Variants in COG3 observed in about 807,000 individuals in gnomAD.
COG3 encodes conserved oligomeric Golgi complex subunit 3.
In COG3, 32 loss-of-function variants were observed where a neutral mutation model predicts 114.1. The ratio of observed to expected loss-of-function variants is 0.28; its 90% CI spans 0.21 to 0.38. The LOEUF (loss-of-function observed/expected upper bound fraction) is 0.38, where lower values mean the gene tolerates loss of function less well. Among genes scored for constraint, COG3 ranks in the 10% least tolerant of loss-of-function variants. The pLI, the probability that COG3 is intolerant of heterozygous loss-of-function variation, is 1.00. For missense variants in COG3, 813 were observed against 973.2 expected (o/e 0.84, Z 2.19); for synonymous variants, 352 against 365.7 (o/e 0.96, Z 0.43).
intron 6 of COG3, among the ~76,000 whole-genome samples, chr13:45,482,731 G>C (rs533119480): frequency 1.3e-5 from 2 of 152,300 alleles, no homozygotes; most frequent in South Asian, 2.1e-4. Flanking sequence ...CCCTGGAATG[G>C]AACACATCCT....
At chr13:45,479,763 C>G (rs1886132921) in intron 3 of COG3, among the ~76,000 whole-genome samples, 1 of 152,142 alleles carries the variant, frequency 6.6e-6, no homozygotes, top group Non-Finnish European at 1.5e-5. Flanking sequence ...TGACATCACA[C>G]CATCTTTCAA....
At chr13:45,528,033 A>G (rs1872841298) in intron 20 of COG3, among the ~76,000 whole-genome samples, 1 of 152,132 alleles carries the variant, frequency 6.6e-6, no homozygotes, top group Non-Finnish European at 1.5e-5. Context: ...CAGATTAGTA[A>G]TGTTTACTAA....
chr13:45,494,864 C>CT (rs56330728), intron 12 of COG3, among the ~76,000 whole-genome samples: 90,702 of 131,736 alleles, frequency 0.69, 33,253 homozygotes, highest in Non-Finnish European at 0.8. Context: ...TTTCTCTTTT[C>CT]TTTTTTTTTT....
intron 1 of COG3, among the ~76,000 whole-genome samples, chr13:45,475,278 A>G (rs996878446): frequency 2.0e-5 from 3 of 151,574 alleles, no homozygotes; most frequent in Admixed American, 6.6e-5. Context: ...ACTCACTGCA[A>G]CCTCCACCTC....
chr13:45,470,688 CTT>C lies in COG3; in HGVS notation c.174+5480_174+5481del, dbSNP rs1417161614. 1.1e-4 allele frequency among the ~76,000 whole-genome samples: 16 copies of C among 152,202 alleles called. 1 individual carries two copies. The highest frequency in any genetic ancestry group is 2.1e-4 in the Non-Finnish European group (14 of 68,046). On this transcript the variant is annotated intron_variant, in intron 1 of 22. Transcript: ENST00000349995. ...TGGGATTTTGACATTGATCTACATT[CTT>C]TCAGATAGACTTATAATCGTTTTTC...
At chr13:45,521,497 C>T (rs1872128425) in intron 19 of COG3, among the ~76,000 whole-genome samples, 1 of 151,964 alleles carries the variant, frequency 6.6e-6, no homozygotes, top group African/African-American at 2.4e-5. Context: ...ACTGAGCTTC[C>T]CTTTTATGGT....
chr13:45,483,195 T>C (rs776416939), intron 6 of COG3, 35 bp from the exon 7 acceptor site: 1 of 1,539,640 alleles, frequency 6.5e-7, no homozygotes, highest in South Asian at 1.2e-5. Flanking sequence ...TCTGTGTTCA[T>C]TTCCACTTTG....
chr13:45,471,136 G>A (rs1395971791), intron 1 of COG3, among the ~76,000 whole-genome samples: 2 of 152,134 alleles, frequency 1.3e-5, no homozygotes, highest in African/African-American at 4.8e-5. Context: ...GGGCATGGTG[G>A]CTCACCCCTG....
intron 14 of COG3, among the ~76,000 whole-genome samples, chr13:45,504,726 G>A (rs1391158978): frequency 6.6e-6 from 1 of 152,122 alleles, no homozygotes; most frequent in Non-Finnish European, 1.5e-5. Context: ...ACAACTGAGA[G>A]GGTCTGTATT....
intron 5 of COG3, 89 bp from the exon 6 acceptor site, chr13:45,482,288 CTAAA>C: frequency 1.6e-6 from 1 of 611,720 alleles, no homozygotes; most frequent in Non-Finnish European, 2.8e-6. Context: ...ATGTTATGTC[CTAAA>C]GGCAAATATG....
At chr13:45,525,949 A>G (rs1400073616) in intron 20 of COG3, among the ~76,000 whole-genome samples, 1 of 151,944 alleles carries the variant, frequency 6.6e-6, no homozygotes. Context: ...TGGCATGCAC[A>G]GTCACCTAAT....
chr13:45,494,344 AC>A (rs148228014), intron 12 of COG3, among the ~76,000 whole-genome samples: 40 of 151,098 alleles, frequency 2.6e-4, no homozygotes, highest in African/African-American at 3.9e-4. Context: ...AAAAAAAAAA[AC>A]AACCTTTCAA....
At chr13:45,484,503 A>G (rs926443816) in intron 7 of COG3, among the ~76,000 whole-genome samples, 1 of 152,172 alleles carries the variant, frequency 6.6e-6, no homozygotes, top group Non-Finnish European at 1.5e-5. Flanking sequence ...GAGAGATGAC[A>G]GTTCCATTTA....
At chr13:45,481,069 C>T (rs1040520190) in intron 4 of COG3, among the ~76,000 whole-genome samples, 161 bp from the exon 5 acceptor site, 4 of 152,080 alleles carry the variant, frequency 2.6e-5, no homozygotes, top group African/African-American at 4.8e-5. Flanking sequence ...GTAATATTAT[C>T]GCCCCTTTTA....
rs1425369407 is a variant in COG3 at position 45,513,348 on chromosome 13, TATATAATATATACATATAAATTATAC to T, written c.1809+1546_1809+1571del. ...ACATATAATATATACATATAAATTA[TATATAATATATACATATAAATTATAC>T]ATATAATATATACATATAAATTATA... On this transcript the variant is annotated intron_variant, in intron 16 of 22. Coordinates refer to ENST00000349995, the MANE Select transcript of COG3 (RefSeq NM_031431.4). Among the ~76,000 whole-genome samples, 537 of 130,262 alleles carry T rather than the reference TATATAATATATACATATAAATTATAC, an allele frequency of 4.1e-3. 8 individuals are homozygous for T. The highest frequency in any genetic ancestry group is 7.5e-3 in the Middle Eastern group (2 of 266). The allele number at this position is 130,262 out of a possible 152,430, so 85.5% of individuals were successfully genotyped here.
At chr13:45,496,963 G>A (rs767756571) in intron 13 of COG3, among the ~76,000 whole-genome samples, 4 of 152,256 alleles carry the variant, frequency 2.6e-5, no homozygotes, top group Non-Finnish European at 4.4e-5. Context: ...GTGAGCCACC[G>A]CACCCGGCCC....
chr13:45,519,974 A>T (rs1460920156), intron 19 of COG3, among the ~76,000 whole-genome samples: 1 of 152,222 alleles, frequency 6.6e-6, no homozygotes, highest in Admixed American at 6.5e-5. Context: ...GGACTTAAAG[A>T]TATTTAAGAA....
intron 3 of COG3, among the ~76,000 whole-genome samples, chr13:45,479,753 T>C (rs1327835300): frequency 6.6e-6 from 1 of 152,186 alleles, no homozygotes; most frequent in Admixed American, 6.5e-5. Context: ...ATTCTTGCCA[T>C]GACATCACAC....
chr13:45,535,832 A>T lies in COG3; in HGVS notation c.*1101A>T. 2 of 987,546 alleles carry T rather than the reference A, an allele frequency of 2.0e-6. No individual in the cohort carries two copies. The highest frequency in any genetic ancestry group is 2.4e-6 in the Non-Finnish European group (2 of 830,100). 61.2% of individuals were successfully genotyped at this position (987,546 alleles called of 1,614,324 possible). A position where few individuals can be genotyped will look rare whatever the true frequency, so the allele number is the denominator to read the frequency against. On this transcript the variant is annotated 3_prime_UTR_variant, in exon 23 of 23. Transcript: ENST00000349995. ...TTTTCCAACAAATTCCTACTTCCTG[A>T]TTGGATTGGTTTTGCCGCTGATGTT... is the stretch of plus-strand genomic sequence containing the variant.
Sources: allele counts gnomAD v4.1 joint callset (sites outside exome capture counted in the v4.1 genomes callset), GRCh38; gene constraint gnomAD v4.1.1; transcripts MANE v1.5; gene names NCBI Gene and HGNC (gene_info 2026-07-23, HGNC 2026-07-21).